Variants in RNF38 observed in about 807,000 individuals in gnomAD.
RNF38 encodes the protein ring finger protein 38.
Under a neutral mutation model 67.2 loss-of-function variants are expected in RNF38, and 15 were observed. That is an observed-to-expected ratio of 0.22 (90% CI 0.15 to 0.34). The LOEUF (loss-of-function observed/expected upper bound fraction) is 0.34, where lower values mean the gene tolerates loss of function less well. Ranked by LOEUF, RNF38 falls within the 10% of genes least tolerant of loss-of-function variation. RNF38 has a pLI of 1.00. For synonymous variants in RNF38, 220 were observed against 218.8 expected (o/e 1.01, Z -0.05); for missense variants, 524 against 639.9 (o/e 0.82, Z 1.95).
At chr9:36,427,013 G>A (rs1400460834) in intron 1 of RNF38, among the ~76,000 whole-genome samples, 2 of 152,200 alleles carry the variant, frequency 1.3e-5, no homozygotes, top group African/African-American at 4.8e-5. Context: ...CATCAAGGCT[G>A]TGATTTACCT....
At chr9:36,461,669 G>A (rs553126949) in intron 1 of RNF38, among the ~76,000 whole-genome samples, 24 of 152,236 alleles carry the variant, frequency 1.6e-4, no homozygotes, top group Admixed American at 6.5e-4. Flanking sequence ...GAAAAGAGGT[G>A]AAACAATACA....
intron 1 of RNF38, among the ~76,000 whole-genome samples, chr9:36,428,922 A>T (rs1032285259): frequency 2.0e-5 from 3 of 152,124 alleles, no homozygotes; most frequent in African/African-American, 7.2e-5. Context: ...TGCCATCCTA[A>T]AGACTCTAAT....
At chr9:36,411,085 AG>A (rs1438964784) in intron 2 of RNF38, among the ~76,000 whole-genome samples, 4 of 152,016 alleles carry the variant, frequency 2.6e-5, no homozygotes, top group African/African-American at 9.7e-5. Context: ...TTATGTAATA[AG>A]TGAAAATACA....
chr9:36,376,269 T>C (rs188646873), intron 2 of RNF38, 142 bp from the exon 3 acceptor site: 121 of 591,680 alleles, frequency 2.0e-4, no homozygotes, highest in African/African-American at 1.8e-3. Context: ...TCAATTCAAA[T>C]TTAAAACCTT....
In RNF38 at chr9:36,480,846, G is replaced by C. The variant is rs377100341; in HGVS notation, n.241+6462C>G. 4.0e-5 allele frequency among the ~76,000 whole-genome samples: 6 copies of C among 151,512 alleles called. No homozygotes were observed. The South Asian group carries it at 1.0e-3, about 26-fold the overall frequency. ...ATTACAGGGGTGAGCCGCCACGCCC[G>C]GCCCCTTCCATGTATATATTTGGTC... On this transcript the variant is annotated intron_variant and non_coding_transcript_variant, in intron 1 of 3. Transcript: ENST00000488058.
chr9:36,360,189 A>C (rs1213464545), intron 4 of RNF38, among the ~76,000 whole-genome samples: 1 of 152,168 alleles, frequency 6.6e-6, no homozygotes, highest in Non-Finnish European at 1.5e-5. Context: ...AAGATTATTA[A>C]ATTTATTTCT....
intron 2 of RNF38, among the ~76,000 whole-genome samples, chr9:36,410,562 CA>C (rs1274083644): frequency 6.6e-6 from 1 of 152,134 alleles, no homozygotes; most frequent in Non-Finnish European, 1.5e-5. Context: ...GGCAGATCTA[CA>C]ACATGGAAAT....
chr9:36,395,317 C>T lies in RNF38; in HGVS notation c.13-4701G>A, dbSNP rs568199393. Among the ~76,000 whole-genome samples, 4 of 151,824 alleles carry T rather than the reference C, an allele frequency of 2.6e-5. 1 individual carries two copies. The highest frequency in any genetic ancestry group is 3.5e-3 in the Middle Eastern group (1 of 288). ...TGCTTCTGACAACAGCATCCTTCTTCGTTCATTTCCTTTTTTTTTTTTCTC... is the reference window on the plus strand; with the variant it reads ...TGCTTCTGACAACAGCATCCTTCTTTGTTCATTTCCTTTTTTTTTTTTCTC... On this transcript the variant is annotated intron_variant, in intron 1 of 11. Coordinates refer to ENST00000259605, the MANE Select transcript of RNF38 (RefSeq NM_022781.5).
intron 1 of RNF38, among the ~76,000 whole-genome samples, chr9:36,467,016 T>C (rs1049666317): frequency 6.9e-5 from 10 of 144,552 alleles, no homozygotes; most frequent in Non-Finnish European, 1.5e-4. Context: ...CCGTCTCTAC[T>C]AAAAATACAA....
At chr9:36,362,223 T>C (rs1011164904) in intron 4 of RNF38, among the ~76,000 whole-genome samples, 1 of 151,828 alleles carries the variant, frequency 6.6e-6, no homozygotes, top group Non-Finnish European at 1.5e-5. Context: ...CTGGGCGTGG[T>C]GGTGGGCACC....
At chr9:36,381,779 G>T (rs1425173228) in intron 2 of RNF38, among the ~76,000 whole-genome samples, 2 of 152,182 alleles carry the variant, frequency 1.3e-5, no homozygotes, top group African/African-American at 4.8e-5. Flanking sequence ...TTATGACTTT[G>T]TAACTCCTGC....
chr9:36,370,905 T>C lies in RNF38; in HGVS notation c.357-973A>G, dbSNP rs138259000. On this transcript the variant is annotated intron_variant, in intron 3 of 11. Transcript: ENST00000259605. Reference sequence around the variant, plus strand: ...GCCTGGGCGACAGAGTGAGACCATGTCTTAAAAAAAAAAGAGAGGGAGAGA... The same window carrying C: ...GCCTGGGCGACAGAGTGAGACCATGCCTTAAAAAAAAAAGAGAGGGAGAGA... Among the ~76,000 whole-genome samples the C allele has an allele frequency of 2.7e-4, 41 of 151,780 alleles. No individual in the cohort carries two copies. In the East Asian group the frequency reaches 7.5e-3, roughly 28 times the overall value.
Position 36,418,474 on chromosome 9 carries a change from G to T in RNF38, n.312+6139C>A, listed in dbSNP as rs1213571126. ...TGAAGACCAGCCTGGCCAGCATGGT[G>T]AAACCCCATCTCTACGAAAAAAAAA... is the stretch of plus-strand genomic sequence containing the variant. On this transcript the variant is annotated intron_variant and non_coding_transcript_variant, in intron 2 of 3. Transcript: ENST00000488058. Among the ~76,000 whole-genome samples, 4 of 148,332 alleles carry T rather than the reference G, an allele frequency of 2.7e-5. No individual in the cohort carries two copies. In the Admixed American group the frequency reaches 2.8e-4, roughly 10 times the overall value.
chr9:36,428,454 C>CATATATATATAT (rs10588812), intron 1 of RNF38, among the ~76,000 whole-genome samples: 37 of 146,176 alleles, frequency 2.5e-4, no homozygotes, highest in African/African-American at 9.2e-4. Context: ...CTATTGTTTA[C>CATATATATATAT]ATATATATAT....
At chr9:36,409,355 AAG>A (rs1182304368) in intron 2 of RNF38, among the ~76,000 whole-genome samples, 1 of 152,158 alleles carries the variant, frequency 6.6e-6, no homozygotes, top group Non-Finnish European at 1.5e-5. Context: ...GAAAAAAAGA[AAG>A]AAGGCAGGCG....
chr9:36,418,290 C>T (rs1389202240), intron 2 of RNF38, among the ~76,000 whole-genome samples: 1 of 151,956 alleles, frequency 6.6e-6, no homozygotes, highest in African/African-American at 2.4e-5. Context: ...CTCATTTCGG[C>T]CTCCCAAAGT....
intron 2 of RNF38, among the ~76,000 whole-genome samples, chr9:36,388,295 A>G (rs1030527442): frequency 4.6e-5 from 7 of 152,154 alleles, no homozygotes; most frequent in Non-Finnish European, 8.8e-5. Context: ...AATTGCATAT[A>G]TGAAATATTT....
intron 1 of RNF38, among the ~76,000 whole-genome samples, chr9:36,453,497 C>T (rs1486954334): frequency 6.6e-6 from 1 of 152,030 alleles, no homozygotes; most frequent in East Asian, 1.9e-4. Context: ...ATTCTCCTGC[C>T]TCAGCCTCCC....
chr9:36,362,778 C>T (rs928070064), intron 4 of RNF38, among the ~76,000 whole-genome samples: 19 of 152,036 alleles, frequency 1.2e-4, no homozygotes, highest in Non-Finnish European at 2.5e-4. Context: ...GGACTATAGG[C>T]GTGCATCACC....
Sources: gnomAD v4.1 joint callset for allele counts (sites outside exome capture counted in the v4.1 genomes callset) on GRCh38, gnomAD v4.1.1 for gene constraint, MANE v1.5 for transcripts, NCBI Gene and HGNC (gene_info 2026-07-23, HGNC 2026-07-21) for gene names.